The following SH3RF2 variants were observed in gnomAD, a reference collection of about 807,000 sequenced individuals.
SH3RF2 encodes the protein SH3 domain containing ring finger 2, also known as E3 ubiquitin-protein ligase SH3RF2.
A neutral mutation model predicts 59.0 loss-of-function variants in SH3RF2; 43 were observed. The ratio of observed to expected loss-of-function variants is 0.73; its 90% CI spans 0.57 to 0.94. The LOEUF (loss-of-function observed/expected upper bound fraction) is 0.94, where lower values mean the gene tolerates loss of function less well. Among genes scored for constraint, SH3RF2 ranks in the 40% least tolerant of loss-of-function variants. The probability of loss-of-function intolerance (pLI) is 0.00; values close to 1 mark genes in which losing one functional copy is unlikely to be tolerated. For synonymous variants in SH3RF2, 391 were observed against 391.5 expected (o/e 1.00, Z 0.01); for missense variants, 930 against 940.1 (o/e 0.99, Z 0.14).
At chr5:146,052,785 ATG>A (rs1762544130) in intron 7 of SH3RF2, among the ~76,000 whole-genome samples, 1 of 152,020 alleles carries the variant, frequency 6.6e-6, no homozygotes, top group Admixed American at 6.6e-5. Context: ...ACTTCTTCCC[ATG>A]TCTCAGGGAT....
At chr5:146,059,763 C>A in intron 8 of SH3RF2, 103 bp from the exon 9 acceptor site, 1 of 786,008 alleles carries the variant, frequency 1.3e-6, no homozygotes. Flanking sequence ...ATTAGGAAAG[C>A]GCTTGTCTAT....
chr5:146,057,130 T>C (rs1762698726), intron 8 of SH3RF2, among the ~76,000 whole-genome samples: 1 of 152,216 alleles, frequency 6.6e-6, no homozygotes, highest in Admixed American at 6.5e-5. Context: ...AACAGATGAA[T>C]TAACATGAAA....
chr5:146,067,556 A>C (rs941801788), downstream of SH3RF2, among the ~76,000 whole-genome samples: 3 of 152,188 alleles, frequency 2.0e-5, no homozygotes, highest in African/African-American at 7.2e-5. Context: ...AGTCTCACTC[A>C]GTAGTTTGAA....
intron 4 of SH3RF2, among the ~76,000 whole-genome samples, chr5:146,011,671 GCT>G (rs777485673): frequency 2.8e-4 from 43 of 152,018 alleles, no homozygotes; most frequent in Non-Finnish European, 5.1e-4. Flanking sequence ...TCATGATTTG[GCT>G]CTCTGTTTGT....
chr5:146,080,440 T>C (rs1379632172), exon 10 of SH3RF2: 1 of 152,172 alleles, frequency 6.6e-6, no homozygotes, highest in Non-Finnish European at 1.5e-5. Flanking sequence ...ATGTGAATAA[T>C]GTTTATAAAA....
rs761796206 is a variant in SH3RF2, at chr5:146,071,653, A to G, written c.*34-6807A>G. On this transcript the variant is annotated intron_variant, in intron 9 of 9. Coordinates refer to the SH3RF2 transcript ENST00000511217. ...AGAATGTCACAAGATCTGGAGAAGTAATTAATATAATAGCTGGGATGATGA... is the reference window on the plus strand; with the variant it reads ...AGAATGTCACAAGATCTGGAGAAGTGATTAATATAATAGCTGGGATGATGA... Among the ~76,000 whole-genome samples the G allele has an allele frequency of 4.6e-5, 7 of 152,242 alleles. No individual in the cohort carries two copies. In the South Asian group the frequency reaches 6.2e-4, roughly 14 times the overall value.
At chr5:146,044,391 C>T (rs765774059) in intron 5 of SH3RF2, among the ~76,000 whole-genome samples, 8 of 152,096 alleles carry the variant, frequency 5.3e-5, no homozygotes, top group Admixed American at 2.0e-4. Flanking sequence ...CCTCATGATC[C>T]GCCCACCTCG....
At position 146,013,958 on chromosome 5, in the gene SH3RF2, A is replaced by G. The variant is rs745583973; in HGVS notation, c.956A>G (p.His319Arg). The part of the protein sequence containing the change: ...NRMVHSPSGR[H>R]MVEISTPVLI... ...ATGGTCCATTCTCCTTCAGGGCGCC[A>G]TATGGTAGAGATCAGCACCCCAGTG... The change falls in exon 5 of 10, where the codon CAT (histidine) becomes CGT (arginine). Residue 319 changes from histidine to arginine, a missense_variant. Coordinates refer to ENST00000359120, the MANE Select transcript of SH3RF2 (RefSeq NM_152550.4). The G allele has an allele frequency of 1.9e-5, 30 of 1,614,004 alleles. No individual in the cohort carries two copies. Among genetic ancestry groups the G allele is most frequent in the South Asian group, 9.9e-5 (9 of 91,088 alleles).
intron 2 of SH3RF2, among the ~76,000 whole-genome samples, chr5:145,979,005 TC>T (rs1267164166): frequency 6.6e-6 from 1 of 152,188 alleles, no homozygotes; most frequent in Non-Finnish European, 1.5e-5. Flanking sequence ...AACACAGATA[TC>T]CTACCAAATG....
intron 2 of SH3RF2, 80 bp from the exon 3 acceptor site, chr5:145,999,978 A>G (rs1011428767): frequency 1.0e-5 from 16 of 1,527,464 alleles, no homozygotes; most frequent in African/African-American, 9.9e-5. Flanking sequence ...GCAAAGTACA[A>G]TAAAAGGGGG....
In SH3RF2 at chr5:145,942,491, CAT is replaced by C. The variant is rs1292320058; in HGVS notation, c.378+4188_378+4189del. The stretch of plus-strand genomic sequence containing the variant: ...GGGGAAAAAAAATGAGGTCAGAAAA[CAT>C]ATCAGGGAATGAGGCTGGGTAGAAA... On this transcript the variant is annotated intron_variant, in intron 2 of 9. Coordinates refer to ENST00000359120, the MANE Select transcript of SH3RF2 (RefSeq NM_152550.4). Among the ~76,000 whole-genome samples, 4 of 152,262 alleles carry C rather than the reference CAT, an allele frequency of 2.6e-5. No individual in the cohort carries two copies. The South Asian group carries it at 6.2e-4, about 24-fold the overall frequency.
At chr5:146,076,487 C>A (rs1033483785) in intron 9 of SH3RF2, among the ~76,000 whole-genome samples, 11 of 152,158 alleles carry the variant, frequency 7.2e-5, no homozygotes, top group African/African-American at 2.2e-4. Context: ...AACCCCCCGC[C>A]CATGTTCAGT....
At chr5:145,961,940 T>C (rs1758646722) in intron 2 of SH3RF2, among the ~76,000 whole-genome samples, 1 of 152,200 alleles carries the variant, frequency 6.6e-6, no homozygotes, top group African/African-American at 2.4e-5. Context: ...CTGGATTCTG[T>C]ATCTTTCATC....
intron 8 of SH3RF2, among the ~76,000 whole-genome samples, chr5:146,057,974 ATC>A (rs57550764): frequency 4.9e-4 from 38 of 76,946 alleles, no homozygotes; most frequent in African/African-American, 1.2e-3. Context: ...CTCTCTATCT[ATC>A]TATCTATCTA....
At chr5:146,036,965 C>T (rs967103070) in intron 5 of SH3RF2, among the ~76,000 whole-genome samples, 3 of 152,318 alleles carry the variant, frequency 2.0e-5, no homozygotes, top group Middle Eastern at 3.4e-3. Context: ...ACTGGGTCTT[C>T]CTCAAAGGCA....
At chr5:146,011,423 A>G (rs1760893065) in intron 4 of SH3RF2, among the ~76,000 whole-genome samples, 1 of 152,184 alleles carries the variant, frequency 6.6e-6, no homozygotes, top group Non-Finnish European at 1.5e-5. Context: ...GAAGAAAGTC[A>G]TTGGTAGCTT....
Position 146,000,108 on chromosome 5 carries a change from C to T in SH3RF2, c.429C>T (p.Asp143=). 6.2e-7 allele frequency: 1 copy of T among 1,613,604 alleles called. No individual in the cohort carries two copies. Among genetic ancestry groups the T allele is most frequent in the Non-Finnish European group, 8.5e-7 (1 of 1,179,798 alleles). Residue 143 remains aspartate (D), a synonymous_variant, in exon 3 of 10, where the codon GAC becomes GAT. Transcript: ENST00000359120. Reference sequence around the variant, plus strand: ...ACTACAGAGGGCAGAATCCCGGTGACCTAAGGTTTAATAAGGGAGATATCA... The same window carrying T: ...ACTACAGAGGGCAGAATCCCGGTGATCTAAGGTTTAATAAGGGAGATATCA... ...LCNYRGQNPG[D]LRFNKGDIIL...
At chr5:146,005,397 C>T (rs1760601563) in intron 4 of SH3RF2, among the ~76,000 whole-genome samples, 1 of 152,118 alleles carries the variant, frequency 6.6e-6, no homozygotes, top group South Asian at 2.1e-4. Context: ...GCTGTCCACC[C>T]TGGGGATTGG....
intron 5 of SH3RF2, among the ~76,000 whole-genome samples, chr5:146,044,149 G>GTTTTT (rs796365278): frequency 4.9e-5 from 3 of 61,210 alleles, no homozygotes; most frequent in African/African-American, 5.1e-5. Context: ...GTTTTTTTTT[G>GTTTTT]TTTTTTTTTT....
Sources: allele counts gnomAD v4.1 joint callset (sites outside exome capture counted in the v4.1 genomes callset), GRCh38; gene constraint gnomAD v4.1.1; transcripts MANE v1.5; gene names NCBI Gene and HGNC (gene_info 2026-07-23, HGNC 2026-07-21).